Variants in HDAC4 observed in about 807,000 individuals in gnomAD.
HDAC4 encodes histone deacetylase A.
A neutral mutation model predicts 135.1 loss-of-function variants in HDAC4; 16 were observed. That is an observed-to-expected ratio of 0.12 (90% CI 0.08 to 0.18). The LOEUF (loss-of-function observed/expected upper bound fraction) is 0.18. Among genes scored for constraint, HDAC4 ranks in the 10% least tolerant of loss-of-function variants. The pLI, the probability that HDAC4 is intolerant of heterozygous loss-of-function variation, is 1.00. For missense variants in HDAC4, 1,143 were observed against 1,511.8 expected (o/e 0.76, Z 4.05); for synonymous variants, 685 against 653.4 (o/e 1.05, Z -0.74).
chr2:239,112,945 C>T (rs2038805438), intron 13 of HDAC4, among the ~76,000 whole-genome samples: 2 of 152,330 alleles, frequency 1.3e-5, no homozygotes, highest in Admixed American at 6.5e-5. Flanking sequence ...AGGAATCAGG[C>T]TGGGCGTGGT....
chr2:239,224,432 T>C (rs182525749), intron 3 of HDAC4, among the ~76,000 whole-genome samples: 3 of 152,312 alleles, frequency 2.0e-5, no homozygotes, highest in African/African-American at 4.8e-5. Context: ...CTCAAAGCCA[T>C]GCCTAATTGA....
At chr2:239,348,720 G>A (rs562085393) in intron 2 of HDAC4, among the ~76,000 whole-genome samples, 24 of 152,208 alleles carry the variant, frequency 1.6e-4, no homozygotes, top group Admixed American at 2.6e-4. Context: ...AGGGCTGGCC[G>A]GGCAAGGGGC....
chr2:239,281,427 A>G (rs796303904), intron 2 of HDAC4, among the ~76,000 whole-genome samples: 7 of 149,748 alleles, frequency 4.7e-5, no homozygotes, highest in African/African-American at 1.7e-4. Context: ...CACACAATGT[A>G]TACACCACTC....
intron 15 of HDAC4, among the ~76,000 whole-genome samples, chr2:239,107,207 C>T (rs910894757): frequency 3.3e-5 from 5 of 152,244 alleles, no homozygotes; most frequent in African/African-American, 4.8e-5. Context: ...GCTGGGACAG[C>T]CTCACCAAAG....
intron 2 of HDAC4, among the ~76,000 whole-genome samples, chr2:239,295,034 G>A (rs565050515): frequency 3.2e-4 from 49 of 152,266 alleles, no homozygotes; most frequent in African/African-American, 1.1e-3. Flanking sequence ...TAGGCCGGGC[G>A]CGGTGGCTCA....
In HDAC4 at chr2:239,170,313, A is replaced by G. The variant is rs976183462; in HGVS notation, c.490+6100T>C. The stretch of plus-strand genomic sequence containing the variant: ...TAATTTAGCATTAGTTATAACATTC[A>G]TTACATTAAAAATAAACTTACAAAC... On this transcript the variant is annotated intron_variant, in intron 5 of 26. Coordinates refer to ENST00000543185, the MANE Select transcript of HDAC4 (RefSeq NM_001378414.1). 3.7e-4 allele frequency among the ~76,000 whole-genome samples: 57 copies of G among 152,222 alleles called. 1 individual carries two copies. Among genetic ancestry groups the G allele is most frequent in the Non-Finnish European group, 8.8e-5 (6 of 68,032 alleles).
At chr2:239,258,302 G>C (rs2049157986) in intron 2 of HDAC4, among the ~76,000 whole-genome samples, 1 of 151,812 alleles carries the variant, frequency 6.6e-6, no homozygotes, top group South Asian at 2.1e-4. Flanking sequence ...ACACAGGAAA[G>C]GAGACACTGA....
At chr2:239,159,880 G>A (rs191989725) in intron 6 of HDAC4, among the ~76,000 whole-genome samples, 39 of 152,400 alleles carry the variant, frequency 2.6e-4, no homozygotes, top group East Asian at 1.9e-4. Flanking sequence ...CAGCCCCCAC[G>A]GGGCCCTGGG....
chr2:239,071,711 T>A (rs961467682), intron 22 of HDAC4, among the ~76,000 whole-genome samples: 1 of 152,270 alleles, frequency 6.6e-6, no homozygotes, highest in Non-Finnish European at 1.5e-5. Context: ...GTTATGACAC[T>A]CAGGACCCTG....
intron 2 of HDAC4, among the ~76,000 whole-genome samples, chr2:239,257,032 T>C (rs2049088824): frequency 6.6e-6 from 1 of 152,222 alleles, no homozygotes; most frequent in African/African-American, 2.4e-5. Context: ...AACTCTAAAA[T>C]ATCCATGTAG....
chr2:239,328,648 T>C (rs2125805404), intron 2 of HDAC4, among the ~76,000 whole-genome samples: 1 of 152,324 alleles, frequency 6.6e-6, no homozygotes, highest in Middle Eastern at 3.4e-3. Context: ...AAATCACATC[T>C]GTGCCCGGCA....
chr2:239,392,124 G>C (rs991158079), intron 1 of HDAC4, among the ~76,000 whole-genome samples: 1 of 152,232 alleles, frequency 6.6e-6, no homozygotes, highest in Non-Finnish European at 1.5e-5. Flanking sequence ...CAGCCCGGCT[G>C]CTACCCTCGG....
chr2:239,298,504 G>A (rs1296143297), intron 2 of HDAC4: 1 of 1,106,708 alleles, frequency 9.0e-7, no homozygotes, highest in East Asian at 6.4e-5. Context: ...GGTGAACGCT[G>A]TGCACTCTAC....
rs923213753 is a variant in HDAC4, at chr2:239,094,386, G to A, written c.2280+624C>T. ...CTGGAAAGTCCTTGTGAACTTATGC[G>A]CCCAGGCCAGGTCCATATCATCAGC... On this transcript the variant is annotated intron_variant, in intron 17 of 26. Transcript: ENST00000543185. The A allele has an allele frequency of 2.9e-5, 18 of 622,842 alleles. No individual in the cohort carries two copies. In the African/African-American group the frequency reaches 3.4e-4, roughly 12 times the overall value. 38.6% of individuals were successfully genotyped at this position (622,842 alleles called of 1,614,324 possible).
chr2:239,249,603 T>C (rs1444321401), intron 2 of HDAC4, among the ~76,000 whole-genome samples: 1 of 152,118 alleles, frequency 6.6e-6, no homozygotes, highest in Non-Finnish European at 1.5e-5. Flanking sequence ...AAATCCAAAA[T>C]GTTCAGAATT....
intron 1 of HDAC4, among the ~76,000 whole-genome samples, chr2:239,397,171 G>T (rs1696616553): frequency 6.6e-6 from 1 of 152,246 alleles, no homozygotes; most frequent in South Asian, 2.1e-4. Context: ...TCGACAAGCT[G>T]AACTTCAGCT....
chr2:239,290,060 G>A (rs891921463), intron 2 of HDAC4, among the ~76,000 whole-genome samples: 1 of 152,042 alleles, frequency 6.6e-6, no homozygotes, highest in Admixed American at 6.5e-5. Flanking sequence ...AAATAAAAAA[G>A]GCATCAAGAG....
At chr2:239,231,387 C>G (rs1366672841) in intron 3 of HDAC4, among the ~76,000 whole-genome samples, 1 of 152,162 alleles carries the variant, frequency 6.6e-6, no homozygotes, top group Non-Finnish European at 1.5e-5. Context: ...TGTGTCCTGC[C>G]CTGTAATGTA....
chr2:239,096,403 G>A (rs1247301820), intron 16 of HDAC4, among the ~76,000 whole-genome samples: 5 of 100,648 alleles, frequency 5.0e-5, no homozygotes, highest in African/African-American at 2.0e-4. Context: ...CCCCACAGAC[G>A]CCTGCACCAT....
Sources: allele counts gnomAD v4.1 joint callset (sites outside exome capture counted in the v4.1 genomes callset), GRCh38; gene constraint gnomAD v4.1.1; transcripts MANE v1.5; gene names NCBI Gene and HGNC (gene_info 2026-07-23, HGNC 2026-07-21).